Variants in IPO9 observed in about 807,000 individuals in gnomAD.
The protein encoded by IPO9 is importin-9.
In IPO9, 28 loss-of-function variants were observed where a neutral mutation model predicts 128.6. The ratio of observed to expected loss-of-function variants is 0.22; its 90% CI spans 0.16 to 0.30. IPO9 has a LOEUF of 0.30. IPO9 is among the 10% of genes least tolerant of loss of function. IPO9 has a pLI of 1.00. For synonymous variants in IPO9, 455 were observed against 475.8 expected (o/e 0.96, Z 0.57); for missense variants, 935 against 1,293.9 (o/e 0.72, Z 4.26).
intron 1 of IPO9, among the ~76,000 whole-genome samples, chr1:201,841,610 A>G (rs1680037502): frequency 6.6e-6 from 1 of 152,216 alleles, no homozygotes; most frequent in Non-Finnish European, 1.5e-5. Flanking sequence ...TTCTCCACTA[A>G]AAGACAGCAG....
At chr1:201,849,221 T>C (rs1012553395) in intron 4 of IPO9, among the ~76,000 whole-genome samples, 1 of 152,202 alleles carries the variant, frequency 6.6e-6, no homozygotes, top group Non-Finnish European at 1.5e-5. Context: ...GAGAAGTTGA[T>C]AAAAATACTT....
chr1:201,860,160 T>C (rs1379430365), intron 13 of IPO9, among the ~76,000 whole-genome samples: 1 of 152,158 alleles, frequency 6.6e-6, no homozygotes, highest in Non-Finnish European at 1.5e-5. Context: ...ATGGAACCTT[T>C]GGTATTGTTT....
At position 201,869,738 on chromosome 1, in the gene IPO9, T is replaced by C; in HGVS notation, c.2133+20T>C. 4 of 1,612,862 alleles carry C rather than the reference T, an allele frequency of 2.5e-6. No homozygotes were observed. Among genetic ancestry groups the C allele is most frequent in the Non-Finnish European group, 3.4e-6 (4 of 1,179,494 alleles). On this transcript the variant is annotated intron_variant, in intron 17 of 23. Coordinates refer to ENST00000361565, the MANE Select transcript of IPO9 (RefSeq NM_018085.5). ...ATGCAGGTATCTGAGACATGGAGAG[T>C]AGAAGAGGGAAGATAGCTCCCCAGC...
At position 201,880,167 on chromosome 1, in the gene IPO9, G is replaced by T. The variant is rs1680859241; in HGVS notation, c.*4113G>T. ...GTTTGAGACCAGTCTGGGCAATGTG[G>T]CAATACCTTGTCTCTTAAAATTTAA... On this transcript the variant is annotated 3_prime_UTR_variant, in exon 24 of 24. Transcript: ENST00000361565. 6.6e-6 allele frequency: 1 copy of T among 152,152 alleles called. No individual in the cohort carries two copies. The highest frequency in any genetic ancestry group is 2.1e-4 in the South Asian group (1 of 4,826). The allele number at this position is 152,152 out of a possible 1,614,324, so 9.4% of individuals were successfully genotyped here.
intron 11 of IPO9, among the ~76,000 whole-genome samples, chr1:201,857,810 A>C (rs1018035760): frequency 1.3e-5 from 2 of 151,846 alleles, no homozygotes; most frequent in African/African-American, 2.4e-5. Context: ...AAAAAAAAAA[A>C]AGCCATTTCA....
In IPO9 at chr1:201,871,296, C is replaced by G; in HGVS notation, c.2545C>G (p.Leu849Val). 6.2e-7 allele frequency: 1 copy of G among 1,611,500 alleles called. No individual in the cohort carries two copies. Among genetic ancestry groups the G allele is most frequent in the Non-Finnish European group, 8.5e-7 (1 of 1,178,890 alleles). The change falls in exon 19 of 24, where the codon CTG (leucine) becomes GTG (valine). Residue 849 changes from leucine to valine, a missense_variant. Coordinates refer to ENST00000361565, the MANE Select transcript of IPO9 (RefSeq NM_018085.5). ...VMAEWTSRQH[L>V]FYGQYEGKVS... ...GGCTGAGTGGACAAGCCGACAGCAC[C>G]TGTTCTATGGACAGTATGAAGGCAA...
At chr1:201,851,543 CT>C (rs1680219035) in intron 4 of IPO9, among the ~76,000 whole-genome samples, 1 of 151,344 alleles carries the variant, frequency 6.6e-6, no homozygotes, top group Non-Finnish European at 1.5e-5. Flanking sequence ...GTATAGGTTG[CT>C]TTTTGTCACA....
chr1:201,855,097 A>C, intron 8 of IPO9, 27 bp from the exon 9 acceptor site: 2 of 1,499,038 alleles, frequency 1.3e-6, no homozygotes, highest in African/African-American at 2.8e-5. Flanking sequence ...CAGACTCCAA[A>C]TTCTATTTCT....
rs1035186835 is a variant in IPO9, at chr1:201,881,086, A to T, written c.*5032A>T. On this transcript the variant is annotated 3_prime_UTR_variant, in exon 24 of 24. Coordinates refer to ENST00000361565, the MANE Select transcript of IPO9 (RefSeq NM_018085.5). The stretch of plus-strand genomic sequence containing the variant: ...TAAATGTGGGGAGTGCTGTGAGAGA[A>T]ATAAGTGTACTGGGTTTAGTTCCCA... The T allele has an allele frequency of 6.6e-6, 1 of 152,208 alleles. No homozygotes were observed. Among genetic ancestry groups the T allele is most frequent in the Non-Finnish European group, 1.5e-5 (1 of 68,040 alleles). The allele number at this position is 152,208 out of a possible 1,614,324, so 9.4% of individuals were successfully genotyped here. A position where few individuals can be genotyped will look rare whatever the true frequency, so the allele number is the denominator to read the frequency against.
At chr1:201,831,885 TTTGTTG>T (rs10646458) in intron 1 of IPO9, among the ~76,000 whole-genome samples, 21 of 150,810 alleles carry the variant, frequency 1.4e-4, no homozygotes, top group East Asian at 7.9e-4. Context: ...GTTTTTTGCT[TTTGTTG>T]TTGTTGTTGT....
chr1:201,856,944 C>T lies in IPO9; in HGVS notation c.1123-152C>T, dbSNP rs958861706. 5 of 619,304 alleles carry T rather than the reference C, an allele frequency of 8.1e-6. No individual in the cohort carries two copies. The Admixed American group carries it at 1.2e-4, about 15-fold the overall frequency. The allele number at this position is 619,304 out of a possible 1,614,324, so 38.4% of individuals were successfully genotyped here. On this transcript the variant is annotated intron_variant, in intron 10 of 23. Coordinates refer to ENST00000361565, the MANE Select transcript of IPO9 (RefSeq NM_018085.5). ...TCAAGCAGTCCTCCCACCTTGGCCTCCCAAAGTGTCAGGATTACAGTTGTG... is the reference window on the plus strand; with the variant it reads ...TCAAGCAGTCCTCCCACCTTGGCCTTCCAAAGTGTCAGGATTACAGTTGTG...
At chr1:201,863,754 C>T (rs2102884502) in intron 14 of IPO9, 147 bp downstream of exon 14, 2 of 678,092 alleles carry the variant, frequency 2.9e-6, no homozygotes, top group South Asian at 3.8e-5. Flanking sequence ...GGGAAAGAAA[C>T]CATGCTAGAG....
chr1:201,879,708 A>G lies in IPO9; in HGVS notation c.*3654A>G, dbSNP rs1329306839. ...ACATCTGTGCAGAGTTGAGGACTAT[A>G]GAGTACTGTGCTGTCACTAACAGTA... On this transcript the variant is annotated 3_prime_UTR_variant, in exon 24 of 24. Coordinates refer to ENST00000361565, the MANE Select transcript of IPO9 (RefSeq NM_018085.5). The G allele has an allele frequency of 1.3e-5, 2 of 152,234 alleles. No homozygotes were observed. Among genetic ancestry groups the G allele is most frequent in the Non-Finnish European group, 2.9e-5 (2 of 68,040 alleles). The allele number at this position is 152,234 out of a possible 1,614,324, so 9.4% of individuals were successfully genotyped here.
chr1:201,861,304 C>CT (rs1680442455), intron 13 of IPO9, among the ~76,000 whole-genome samples: 1 of 152,204 alleles, frequency 6.6e-6, no homozygotes, highest in Non-Finnish European at 1.5e-5. Flanking sequence ...AGTGGTTGGA[C>CT]TTATGATTTT....
intron 2 of IPO9, 45 bp from the exon 3 acceptor site, chr1:201,847,507 A>G (rs754497095): frequency 1.8e-5 from 27 of 1,524,898 alleles, no homozygotes; most frequent in Non-Finnish European, 2.0e-5. Context: ...TATGTGTGAA[A>G]AAAATCTTTT....
chr1:201,847,555 G>T lies in IPO9; in HGVS notation c.229G>T (p.Ala77Ser), dbSNP rs1680145045. ...PQGALAIRQL[A>S]SVILKQYVET... ...ACTTGGCTTATTCTCTTCACAGCTGGCATCAGTCATCTTGAAACAATATGT... is the reference window on the plus strand; with the variant it reads ...ACTTGGCTTATTCTCTTCACAGCTGTCATCAGTCATCTTGAAACAATATGT... Residue 77 changes from alanine to serine, a missense_variant, in exon 3 of 24, where the codon GCA (alanine) becomes TCA (serine). Ala to Ser is a moderately conservative substitution (Grantham distance 99, BLOSUM62 1). Coordinates refer to ENST00000361565, the MANE Select transcript of IPO9 (RefSeq NM_018085.5). The T allele has an allele frequency of 6.2e-7, 1 of 1,613,582 alleles. No homozygotes were observed. Among genetic ancestry groups the T allele is most frequent in the South Asian group, 1.1e-5 (1 of 91,074 alleles).
intron 12 of IPO9, 54 bp from the exon 13 acceptor site, chr1:201,858,801 T>G (rs1680381058): frequency 3.3e-6 from 5 of 1,536,798 alleles, no homozygotes; most frequent in Admixed American, 1.8e-5. Context: ...CCTCAAATAT[T>G]TATCTCTTTT....
rs948456882 is a variant in IPO9, at chr1:201,877,462, C to T, written c.*1408C>T. On this transcript the variant is annotated 3_prime_UTR_variant, in exon 24 of 24. Coordinates refer to ENST00000361565, the MANE Select transcript of IPO9 (RefSeq NM_018085.5). Reference sequence around the variant, plus strand: ...AGGTTGCAGTGAACCGATATCACACCGTTGCATTCCAAGGCAAGACTCAAT... The same window carrying T: ...AGGTTGCAGTGAACCGATATCACACTGTTGCATTCCAAGGCAAGACTCAAT... 1.3e-5 allele frequency: 2 copies of T among 151,746 alleles called. No homozygotes were observed. Among genetic ancestry groups the T allele is most frequent in the Non-Finnish European group, 2.9e-5 (2 of 67,990 alleles). 9.4% of individuals were successfully genotyped at this position (151,746 alleles called of 1,614,324 possible).
intron 4 of IPO9, among the ~76,000 whole-genome samples, chr1:201,851,179 CT>C (rs36020873): frequency 0.036 from 4,798 of 133,452 alleles, 217 homozygotes; most frequent in African/African-American, 0.12. Context: ...CCACATGCAG[CT>C]TTTTTTTTTT....
Sources: gnomAD v4.1 joint callset for allele counts (sites outside exome capture counted in the v4.1 genomes callset) on GRCh38, gnomAD v4.1.1 for gene constraint, MANE v1.5 for transcripts, NCBI Gene and HGNC (gene_info 2026-07-23, HGNC 2026-07-21) for gene names.